The following HNRNPC variants were observed in gnomAD, a reference collection of about 807,000 sequenced individuals.
HNRNPC encodes the protein heterogeneous nuclear ribonucleoproteins C1/C2.
A neutral mutation model predicts 33.2 loss-of-function variants in HNRNPC; 3 were observed. That is an observed-to-expected ratio of 0.09 (90% CI 0.04 to 0.23). The LOEUF is 0.23. HNRNPC is among the 10% of genes least tolerant of loss of function. The pLI, the probability that HNRNPC is intolerant of heterozygous loss-of-function variation, is 1.00. For missense variants in HNRNPC, 143 were observed against 366.7 expected (o/e 0.39, Z 4.98); for synonymous variants, 121 against 126.7 (o/e 0.96, Z 0.30).
intron 5 of HNRNPC, among the ~76,000 whole-genome samples, chr14:21,228,921 C>A (rs1381098926): frequency 1.3e-5 from 2 of 150,740 alleles, no homozygotes; most frequent in African/African-American, 4.9e-5. Context: ...CCAGCCTCTA[C>A]TAAAAATACA....
chr14:21,260,856 G>C (rs1878111906), intron 2 of HNRNPC, among the ~76,000 whole-genome samples: 1 of 151,602 alleles, frequency 6.6e-6, no homozygotes, highest in Admixed American at 6.6e-5. Context: ...TCAGCTACTC[G>C]GGAGGCTGAG....
chr14:21,222,632 C>T lies in HNRNPC; in HGVS notation c.365+7687G>A, dbSNP rs192191014. On this transcript the variant is annotated intron_variant, in intron 5 of 8. Transcript: ENST00000553300. ...CTATGGCCGGGCCTAGTGGCTCCCG[C>T]CTGTAATCCCAGCACTTTGGGAGGC... Among the ~76,000 whole-genome samples the T allele has an allele frequency of 2.5e-3, 386 of 152,284 alleles. 9 individuals are homozygous for T. The highest frequency in any genetic ancestry group is 8.9e-3 in the African/African-American group (371 of 41,536).
intron 6 of HNRNPC, 53 bp downstream of exon 6, chr14:21,212,907 C>T: frequency 2.5e-6 from 4 of 1,595,406 alleles, no homozygotes; most frequent in Non-Finnish European, 3.4e-6. Flanking sequence ...GCATTAGCTT[C>T]CCTATCTCAA....
At chr14:21,249,113 A>G (rs928619808) in intron 2 of HNRNPC, among the ~76,000 whole-genome samples, 5 of 152,210 alleles carry the variant, frequency 3.3e-5, no homozygotes, top group Admixed American at 6.5e-5. Context: ...CACTAATAAT[A>G]CATAATGCTT....
chr14:21,249,860 T>C (rs1440476351), intron 2 of HNRNPC, among the ~76,000 whole-genome samples: 3 of 152,162 alleles, frequency 2.0e-5, no homozygotes, highest in Admixed American at 6.6e-5. Flanking sequence ...TCTGTAAGTA[T>C]CCAACAAACA....
intron 1 of HNRNPC, among the ~76,000 whole-genome samples, chr14:21,268,451 AAT>A (rs1879382027): frequency 6.6e-6 from 1 of 152,218 alleles, no homozygotes; most frequent in Non-Finnish European, 1.5e-5. Context: ...CAAAGATTGC[AAT>A]ACAGTAGTTT....
At chr14:21,215,402 A>G (rs1415223170) in intron 5 of HNRNPC, among the ~76,000 whole-genome samples, 2 of 152,372 alleles carry the variant, frequency 1.3e-5, no homozygotes, top group South Asian at 2.1e-4. Flanking sequence ...ACTATGAGAA[A>G]GCTATACAAT....
At chr14:21,245,630 A>C (rs748117811) in intron 2 of HNRNPC, among the ~76,000 whole-genome samples, 1 of 152,182 alleles carries the variant, frequency 6.6e-6, no homozygotes, top group African/African-American at 2.4e-5. Context: ...AGACATTACC[A>C]TACACTACTG....
intron 5 of HNRNPC, among the ~76,000 whole-genome samples, chr14:21,228,564 G>A (rs1447861465): frequency 6.6e-6 from 1 of 151,766 alleles, no homozygotes; most frequent in African/African-American, 2.4e-5. Context: ...GCTAATTTTT[G>A]TATTTTTTTA....
chr14:21,217,569 T>C (rs1435099625), intron 5 of HNRNPC, among the ~76,000 whole-genome samples: 1 of 152,112 alleles, frequency 6.6e-6, no homozygotes, highest in Non-Finnish European at 1.5e-5. Flanking sequence ...TGTCCAAAGA[T>C]CACTGATATG....
At chr14:21,266,845 C>A (rs1346375146) in intron 1 of HNRNPC, among the ~76,000 whole-genome samples, 1 of 149,566 alleles carries the variant, frequency 6.7e-6, no homozygotes, top group African/African-American at 2.5e-5. Context: ...AATACCAGCA[C>A]CTTGGGAGGC....
At chr14:21,233,862 G>A in intron 3 of HNRNPC, 91 bp downstream of exon 3, 2 of 1,439,774 alleles carry the variant, frequency 1.4e-6, no homozygotes, top group South Asian at 2.6e-5. Flanking sequence ...AATATCTCAT[G>A]CTGTCAGTTT....
At chr14:21,254,770 G>T (rs1876851054) in intron 2 of HNRNPC, among the ~76,000 whole-genome samples, 1 of 152,150 alleles carries the variant, frequency 6.6e-6, no homozygotes, top group Non-Finnish European at 1.5e-5. Flanking sequence ...GCCAGGCGTG[G>T]TGGCAGGCGC....
At chr14:21,240,954 ATTTCC>A (rs1447761262) in intron 2 of HNRNPC, among the ~76,000 whole-genome samples, 2 of 152,090 alleles carry the variant, frequency 1.3e-5, no homozygotes, top group Non-Finnish European at 2.9e-5. Flanking sequence ...CTGCCTTACA[ATTTCC>A]TTTATTACTG....
rs1877698211 is a variant in HNRNPC at position 21,258,908 on chromosome 14, TCTCCAAACTTA to T, written c.-37+4392_-37+4402del. On this transcript the variant is annotated intron_variant, in intron 2 of 8. Transcript: ENST00000553300. ...TGAGACAGTGGCCTACTCTAATAGG[TCTCCAAACTTA>T]CTGCCCTACTTGCCCTCTTAGTTCT... is the stretch of plus-strand genomic sequence containing the variant. 2.0e-5 allele frequency among the ~76,000 whole-genome samples: 3 copies of T among 152,150 alleles called. No homozygotes were observed. The South Asian group carries it at 6.2e-4, about 31-fold the overall frequency.
chr14:21,210,078 G>GTA lies in HNRNPC; in HGVS notation c.*1143_*1144dup, dbSNP rs1891455390. ...TTTTCTTGTTTTCAGGAACATGGAG[G>GTA]TATATACACTTCAGAATTCAGAAGG... On this transcript the variant is annotated 3_prime_UTR_variant, in exon 9 of 9. Transcript: ENST00000553300. The GTA allele has an allele frequency of 6.6e-6, 1 of 152,186 alleles. No homozygotes were observed. Among genetic ancestry groups the GTA allele is most frequent in the South Asian group, 2.1e-4 (1 of 4,834 alleles). The allele number at this position is 152,186 out of a possible 1,614,324, so 9.4% of individuals were successfully genotyped here.
intron 5 of HNRNPC, among the ~76,000 whole-genome samples, chr14:21,214,598 A>C (rs1179103403): frequency 2.0e-5 from 3 of 152,202 alleles, no homozygotes; most frequent in Non-Finnish European, 2.9e-5. Flanking sequence ...AAAACAGAAA[A>C]AAGTTTGCAT....
chr14:21,220,621 T>C (rs1892722866), intron 5 of HNRNPC, among the ~76,000 whole-genome samples: 1 of 152,194 alleles, frequency 6.6e-6, no homozygotes, highest in Non-Finnish European at 1.5e-5. Context: ...AGTTCCCAAC[T>C]GACTTCTAGG....
chr14:21,230,295 GA>G lies in HNRNPC; in HGVS notation c.365+23del, dbSNP rs774983925. On this transcript the variant is annotated intron_variant, in intron 5 of 8. Coordinates refer to ENST00000553300, the MANE Select transcript of HNRNPC (RefSeq NM_004500.4). Reference sequence around the variant, plus strand: ...GTTCTCACTAAATAGCTGTTTAGCAGAAATACAAAACATTTTAACATACCTA... The same window carrying G: ...GTTCTCACTAAATAGCTGTTTAGCAGAATACAAAACATTTTAACATACCTA... 5.8e-6 allele frequency: 9 copies of G among 1,543,820 alleles called. No homozygotes were observed. In the South Asian group the frequency reaches 1.0e-4, roughly 17 times the overall value.
Sources: gnomAD v4.1 joint callset for allele counts (sites outside exome capture counted in the v4.1 genomes callset) on GRCh38, gnomAD v4.1.1 for gene constraint, MANE v1.5 for transcripts, NCBI Gene and HGNC (gene_info 2026-07-23, HGNC 2026-07-21) for gene names.